FTO: variants seen among roughly 807,000 people sequenced by gnomAD.
The protein encoded by FTO is alpha-ketoglutarate-dependent dioxygenase FTO.
In FTO, 47 loss-of-function variants were observed where a neutral mutation model predicts 63.9. The observed-to-expected ratio is 0.74, with a 90% CI of 0.58 to 0.94. FTO has a LOEUF of 0.94. Among genes scored for constraint, FTO ranks in the 40% least tolerant of loss-of-function variants. FTO has a pLI of 0.00. For synonymous variants in FTO, 207 were observed against 224.4 expected, an observed-to-expected ratio of 0.92 and a Z score of 0.69; for missense variants, 562 against 618.1, an observed-to-expected ratio of 0.91 and a Z score of 0.96.
chr16:53,869,502 A>G (rs771939967), intron 4 of FTO, among the ~76,000 whole-genome samples: 5 of 142,236 alleles, frequency 3.5e-5, no homozygotes, highest in African/African-American at 7.8e-5. Context: ...TTATTCCATT[A>G]TACATATATT....
Position 53,856,355 on chromosome 16 carries a change from C to CT in FTO, c.895+12070dup, listed in dbSNP as rs772358108. Among the ~76,000 whole-genome samples the CT allele has an allele frequency of 4.7e-3, 534 of 112,690 alleles. 5 individuals are homozygous for CT. The highest frequency in any genetic ancestry group is 0.032 in the East Asian group (75 of 2,378). The allele number at this position is 112,690 out of a possible 152,430, so 73.9% of individuals were successfully genotyped here. Reference sequence around the variant, plus strand: ...TTTGTAATCTAAGCCCAATAAACATCTTTTTTTTTTTTTGGGGGGGGATAT... The same window carrying CT: ...TTTGTAATCTAAGCCCAATAAACATCTTTTTTTTTTTTTTGGGGGGGGATAT... On this transcript the variant is annotated intron_variant, in intron 4 of 8. Coordinates refer to ENST00000471389, the MANE Select transcript of FTO (RefSeq NM_001080432.3).
At chr16:53,717,135 A>G (rs1448482196) in intron 1 of FTO, among the ~76,000 whole-genome samples, 1 of 151,862 alleles carries the variant, frequency 6.6e-6, no homozygotes, top group Non-Finnish European at 1.5e-5. Context: ...AATCTTTGGA[A>G]TGTTTCATAG....
At chr16:53,762,472 T>A (rs1034554790) in intron 1 of FTO, among the ~76,000 whole-genome samples, 4 of 152,144 alleles carry the variant, frequency 2.6e-5, no homozygotes, top group African/African-American at 9.7e-5. Flanking sequence ...GAAAAAACGT[T>A]ATCCTCCAGA....
chr16:54,111,859 G>A lies in FTO; in HGVS notation c.1462G>A (p.Asp488Asn), dbSNP rs1487911815. 1 of 1,614,036 alleles carries A rather than the reference G, an allele frequency of 6.2e-7. No homozygotes were observed. Among genetic ancestry groups the A allele is most frequent in the East Asian group, 2.2e-5 (1 of 44,892 alleles). Reference protein sequence around the residue: ...KDDASMPLPFDLTDIVSELRG... With the variant: ...KDDASMPLPFNLTDIVSELRG... ...TGATGCTTCGATGCCTCTGCCGTTT[G>A]ACCTCACAGACATCGTTTCAGAACT... is the stretch of plus-strand genomic sequence containing the variant. The change falls in exon 9 of 9, where the codon GAC (aspartate) becomes AAC (asparagine). Residue 488 changes from aspartate to asparagine, a missense_variant. Asp to Asn is a conservative substitution (Grantham distance 23). Coordinates refer to ENST00000471389, the MANE Select transcript of FTO (RefSeq NM_001080432.3).
chr16:53,877,425 G>T (rs2080688836), intron 5 of FTO, among the ~76,000 whole-genome samples: 1 of 152,126 alleles, frequency 6.6e-6, no homozygotes, highest in East Asian at 1.9e-4. Flanking sequence ...ATACGAAATG[G>T]AAGCAACCAG....
chr16:53,829,855 A>G (rs906347822), intron 3 of FTO, among the ~76,000 whole-genome samples: 1 of 152,134 alleles, frequency 6.6e-6, no homozygotes, highest in Non-Finnish European at 1.5e-5. Context: ...TCATTTTACA[A>G]ATGAAAACAC....
At chr16:54,092,107 T>G (rs1303541268) in intron 8 of FTO, among the ~76,000 whole-genome samples, 1 of 152,140 alleles carries the variant, frequency 6.6e-6, no homozygotes, top group African/African-American at 2.4e-5. Context: ...TGAGACACTG[T>G]CTCTACAAAA....
At chr16:54,077,681 A>C (rs1477331873) in intron 8 of FTO, among the ~76,000 whole-genome samples, 1 of 152,206 alleles carries the variant, frequency 6.6e-6, no homozygotes, top group Non-Finnish European at 1.5e-5. Flanking sequence ...GTTCATGTTC[A>C]GAGAAATCAT....
At chr16:53,973,175 G>A (rs185472470) in intron 8 of FTO, among the ~76,000 whole-genome samples, 4 of 152,124 alleles carry the variant, frequency 2.6e-5, no homozygotes, top group South Asian at 2.1e-4. Flanking sequence ...GCCTGGCATC[G>A]AGAGCAGAGG....
intron 8 of FTO, among the ~76,000 whole-genome samples, chr16:54,027,129 A>G (rs2084731267): frequency 6.6e-6 from 1 of 152,204 alleles, no homozygotes; most frequent in South Asian, 2.1e-4. Flanking sequence ...TACCAGCTAA[A>G]GAGAAACATG....
chr16:53,736,108 G>A (rs1335560112), intron 1 of FTO, among the ~76,000 whole-genome samples: 2 of 152,212 alleles, frequency 1.3e-5, no homozygotes, highest in African/African-American at 4.8e-5. Context: ...GAGAGGTTAA[G>A]TAATGTGTTC....
intron 8 of FTO, among the ~76,000 whole-genome samples, chr16:54,004,949 A>G (rs2084161628): frequency 1.3e-5 from 2 of 151,848 alleles, no homozygotes; most frequent in African/African-American, 4.8e-5. Flanking sequence ...AGGTGCCTGT[A>G]GTCGCAGCTA....
At chr16:53,992,357 T>C (rs1176650307) in intron 8 of FTO, 6 of 152,174 alleles carry the variant, frequency 3.9e-5, no homozygotes, top group Non-Finnish European at 7.3e-5. Flanking sequence ...CTCTTTTTTG[T>C]TTTTGTGGGT....
intron 8 of FTO, among the ~76,000 whole-genome samples, chr16:53,965,531 C>T (rs1413527618): frequency 6.6e-6 from 1 of 152,140 alleles, no homozygotes; most frequent in African/African-American, 2.4e-5. Flanking sequence ...GGCAACTGTA[C>T]TGGGGATGGA....
chr16:53,978,497 G>A (rs1325087864), intron 8 of FTO, among the ~76,000 whole-genome samples: 4 of 152,136 alleles, frequency 2.6e-5, no homozygotes, highest in East Asian at 1.9e-4. Context: ...TTTAGGTTTT[G>A]TAAATTACGA....
At position 53,908,511 on chromosome 16, in the gene FTO, T is replaced by A. The variant is rs563784842; in HGVS notation, c.1239+19560T>A. On this transcript the variant is annotated intron_variant, in intron 7 of 8. Transcript: ENST00000471389. ...CCTTCTTTTGCCAGATATAAGAAAC[T>A]TTGGGGACCTTGGCTACCAGCCTTT... is the stretch of plus-strand genomic sequence containing the variant. 2.0e-5 allele frequency among the ~76,000 whole-genome samples: 3 copies of A among 152,320 alleles called. No individual in the cohort carries two copies. In the East Asian group the frequency reaches 5.8e-4, roughly 29 times the overall value.
At chr16:53,866,446 A>G (rs1193065185) in intron 4 of FTO, among the ~76,000 whole-genome samples, 1 of 152,180 alleles carries the variant, frequency 6.6e-6, no homozygotes, top group African/African-American at 2.4e-5. Flanking sequence ...AATGTTAAGA[A>G]TTAGTATAAT....
intron 4 of FTO, among the ~76,000 whole-genome samples, chr16:53,852,101 C>CAAAGAAAAA (rs2079818391): frequency 1.8e-5 from 1 of 54,444 alleles, no homozygotes; most frequent in African/African-American, 5.9e-5. Flanking sequence ...ACAAAAAATA[C>CAAAGAAAAA]AAAAAAAAAA....
intron 8 of FTO, among the ~76,000 whole-genome samples, chr16:53,951,524 C>T (rs1404450045): frequency 3.7e-5 from 4 of 107,366 alleles, no homozygotes; most frequent in East Asian, 4.2e-4. Flanking sequence ...GTGCGCTGTG[C>T]GTGGCACACA....
Sources: gnomAD v4.1 joint callset for allele counts (sites outside exome capture counted in the v4.1 genomes callset) on GRCh38, gnomAD v4.1.1 for gene constraint, MANE v1.5 for transcripts, NCBI Gene and HGNC (gene_info 2026-07-23, HGNC 2026-07-21) for gene names.